The following CRIP2 variants were observed in gnomAD, a reference collection of about 807,000 sequenced individuals.
CRIP2 encodes cysteine rich protein 2.
In CRIP2, 31 loss-of-function variants were observed where a neutral mutation model predicts 31.3. That is an observed-to-expected ratio of 0.99 (90% CI 0.74 to 1.34). The LOEUF is 1.34. CRIP2 is among the 40% of genes most tolerant of loss of function. CRIP2 has a pLI of 0.00. For synonymous variants in CRIP2, 177 were observed against 127.2 expected, an observed-to-expected ratio of 1.39 and a Z score of -2.63; for missense variants, 389 against 301.6, an observed-to-expected ratio of 1.29 and a Z score of -2.15.
In CRIP2 at chr14:105,478,452, T is replaced by G; in HGVS notation, c.141T>G (p.His47Gln). 6.2e-7 allele frequency: 1 copy of G among 1,604,808 alleles called. No individual in the cohort carries two copies. The highest frequency in any genetic ancestry group is 8.5e-7 in the Non-Finnish European group (1 of 1,178,424). ...CTGACCCGCGCCCCTCTGCGCAGCATGACGGGAAGCCGTTCTGCCACAAGC... is the reference window on the plus strand; with the variant it reads ...CTGACCCGCGCCCCTCTGCGCAGCAGGACGGGAAGCCGTTCTGCCACAAGC... The part of the protein sequence containing the change: ...KTLTPGGHAE[H>Q]DGKPFCHKPC... Residue 47 changes from histidine to glutamine, a missense_variant and splice_region_variant, in exon 3 of 8, where the codon CAT becomes CAG. Transcript: ENST00000329146. This position sits in a 1 kb window ranked among gnomAD's most constrained non-coding sequence, Gnocchi z 4.9.
At position 105,478,583 on chromosome 14, in the gene CRIP2, G is replaced by T. The variant is rs143546746; in HGVS notation, c.196+76G>T. ...GGCGCTGGCGCTGGGGAGGGCTGGG[G>T]GTCCCGGCCGCCGTGGATCCCCGCC... On this transcript the variant is annotated intron_variant, in intron 3 of 7. Coordinates refer to ENST00000329146, the MANE Select transcript of CRIP2 (RefSeq NM_001312.4). This position sits in a 1 kb window ranked among gnomAD's most constrained non-coding sequence, Gnocchi z 4.9. 11,814 of 1,541,422 alleles carry T rather than the reference G, an allele frequency of 7.7e-3. 812 individuals carry two copies. The African/African-American group carries it at 0.14, about 19-fold the overall frequency.
rs1555436592 is a variant in CRIP2, at chr14:105,478,966, G to A, written c.338-13G>A. 1.9e-6 allele frequency: 3 copies of A among 1,554,776 alleles called. No homozygotes were observed. Among genetic ancestry groups the A allele is most frequent in the Non-Finnish European group, 2.6e-6 (3 of 1,155,614 alleles). On this transcript the variant is annotated splice_polypyrimidine_tract_variant and intron_variant, in intron 4 of 7. Coordinates refer to ENST00000329146, the MANE Select transcript of CRIP2 (RefSeq NM_001312.4). The surrounding 1 kb of genome is among the most constrained non-coding windows in gnomAD (Gnocchi z 4.9). ...CCCCGGCCCCGCCCCGCCCTGACTC[G>A]TGCGCCCCACAGCCTCCAGTGTCAC...
Position 105,479,944 on chromosome 14 carries a change from G to A in CRIP2, c.*291G>A, listed in dbSNP as rs1330233306. On this transcript the variant is annotated 3_prime_UTR_variant, in exon 8 of 8. Transcript: ENST00000329146. The stretch of plus-strand genomic sequence containing the variant: ...TCCCGCCGACCCTGCGTGTCCCCGT[G>A]GCGCTGTCCGCTCTCCCTCTCCTGC... The A allele has an allele frequency of 4.2e-6, 2 of 473,332 alleles. No individual in the cohort carries two copies. The highest frequency in any genetic ancestry group is 3.9e-5 in the African/African-American group (2 of 50,934). The allele number at this position is 473,332 out of a possible 1,614,324, so 29.3% of individuals were successfully genotyped here.
upstream of CRIP2, chr14:105,474,768 G>A: frequency 8.7e-7 from 1 of 1,149,960 alleles, no homozygotes; most frequent in East Asian, 4.7e-5. The surrounding 1 kb of genome is among the most constrained non-coding windows in gnomAD (Gnocchi z 5.1). Context: ...GGAGCCAATG[G>A]GCGCGCGGAC....
Position 105,478,851 on chromosome 14 carries a change from C to T in CRIP2, c.317C>T (p.Pro106Leu). The T allele has an allele frequency of 7.0e-7, 1 of 1,426,650 alleles. No individual in the cohort carries two copies. The highest frequency in any genetic ancestry group is 9.1e-7 in the Non-Finnish European group (1 of 1,101,000). 88.4% of individuals were successfully genotyped at this position (1,426,650 alleles called of 1,614,324 possible). A position where few individuals can be genotyped will look rare whatever the true frequency, so the allele number is the denominator to read the frequency against. The change falls in exon 4 of 8, where the codon CCC (proline) becomes CTC (leucine). Residue 106 changes from proline (P) to leucine (L), a missense_variant. Transcript: ENST00000329146. This position sits in a 1 kb window ranked among gnomAD's most constrained non-coding sequence, Gnocchi z 4.9. ...GCAGAGGAGCGGAAGGCGAGCGGCC[C>T]CCCGAAGGGGCCCAGCAGAGGTGGG... ...ARAEERKASGPPKGPSRASSV... is the reference protein window; with the variant it reads ...ARAEERKASGLPKGPSRASSV...
At chr14:105,475,135 G>A (rs2083904953) in intron 1 of CRIP2, among the ~76,000 whole-genome samples, 2 of 152,298 alleles carry the variant, frequency 1.3e-5, no homozygotes, top group South Asian at 2.1e-4. Context: ...GCTTGTGGGG[G>A]CGGGGCAGGG....
chr14:105,478,407 C>A lies in CRIP2; in HGVS notation c.139-43C>A, dbSNP rs587646193. 6.9e-6 allele frequency: 11 copies of A among 1,585,162 alleles called. No individual in the cohort carries two copies. In the African/African-American group the frequency reaches 1.5e-4, roughly 21 times the overall value. On this transcript the variant is annotated intron_variant, in intron 2 of 7. Transcript: ENST00000329146. This position sits in a 1 kb window ranked among gnomAD's most constrained non-coding sequence, Gnocchi z 4.9. ...GGGCGGGGGCGGGGGTCGCGACTCC[C>A]GCCACCCTCAGGCAGGGTCCTGACC...
intron 1 of CRIP2, chr14:105,475,331 AC>A (rs1211682584): frequency 6.1e-6 from 1 of 164,742 alleles, no homozygotes; most frequent in Non-Finnish European, 1.3e-5. Flanking sequence ...GACCCCCTAC[AC>A]CCGCTTCCCC....
upstream of CRIP2, among the ~76,000 whole-genome samples, chr14:105,473,760 G>T (rs1362626312): frequency 3.3e-5 from 5 of 152,186 alleles, no homozygotes; most frequent in African/African-American, 4.8e-5. Flanking sequence ...CTGTGGTGAG[G>T]CGTGGTCAGG....
chr14:105,478,403 C>G lies in CRIP2; in HGVS notation c.138+43C>G. 6.3e-7 allele frequency: 1 copy of G among 1,580,074 alleles called. No individual in the cohort carries two copies. Among genetic ancestry groups the G allele is most frequent in the South Asian group, 1.1e-5 (1 of 88,366 alleles). On this transcript the variant is annotated intron_variant, in intron 2 of 7. Coordinates refer to ENST00000329146, the MANE Select transcript of CRIP2 (RefSeq NM_001312.4). The surrounding 1 kb of genome is among the most constrained non-coding windows in gnomAD (Gnocchi z 4.9). ...GCGCGGGCGGGGGCGGGGGTCGCGA[C>G]TCCCGCCACCCTCAGGCAGGGTCCT...
intron 7 of CRIP2, 41 bp downstream of exon 7, chr14:105,479,534 T>G (rs369904386): frequency 1.5e-4 from 237 of 1,612,444 alleles, no homozygotes; most frequent in Admixed American, 6.3e-4. Context: ...TTCCCTGCCC[T>G]CCCCTTCCCT....
intron 1 of CRIP2, chr14:105,476,237 C>T (rs1449097404): frequency 5.1e-6 from 5 of 985,328 alleles, no homozygotes; most frequent in Non-Finnish European, 6.0e-6. Flanking sequence ...TCCAGGGTCT[C>T]GGCCAACAGT....
chr14:105,479,756 T>A lies in CRIP2; in HGVS notation c.*103T>A. 1 of 1,300,934 alleles carries A rather than the reference T, an allele frequency of 7.7e-7. No individual in the cohort carries two copies. The highest frequency in any genetic ancestry group is 1.1e-6 in the Non-Finnish European group (1 of 936,130). 80.6% of individuals were successfully genotyped at this position (1,300,934 alleles called of 1,614,324 possible). On this transcript the variant is annotated 3_prime_UTR_variant, in exon 8 of 8. Coordinates refer to ENST00000329146, the MANE Select transcript of CRIP2 (RefSeq NM_001312.4). ...GAGTGCTCAGCCGCCCAGTCCTGCC[T>A]GCAAGCCCAGGGCGAGTATTGGAGG... is the stretch of plus-strand genomic sequence containing the variant.
upstream of CRIP2, chr14:105,474,677 G>C: frequency 1.5e-6 from 1 of 685,366 alleles, no homozygotes; most frequent in Non-Finnish European, 1.8e-6. The surrounding 1 kb of genome is among the most constrained non-coding windows in gnomAD (Gnocchi z 5.1). Context: ...CGCCACCCCC[G>C]GCAGGTGCGC....
In CRIP2 at chr14:105,479,742, C is replaced by G; in HGVS notation, c.*89C>G. 7.2e-7 allele frequency: 1 copy of G among 1,396,280 alleles called. No homozygotes were observed. The highest frequency in any genetic ancestry group is 1.2e-5 in the South Asian group (1 of 81,088). 86.5% of individuals were successfully genotyped at this position (1,396,280 alleles called of 1,614,324 possible). A position where few individuals can be genotyped will look rare whatever the true frequency, so the allele number is the denominator to read the frequency against. ...TGGCTCTGCTGGGAGAGTGCTCAGCCGCCCAGTCCTGCCTGCAAGCCCAGG... is the reference window on the plus strand; with the variant it reads ...TGGCTCTGCTGGGAGAGTGCTCAGCGGCCCAGTCCTGCCTGCAAGCCCAGG... On this transcript the variant is annotated 3_prime_UTR_variant, in exon 8 of 8. Coordinates refer to ENST00000329146, the MANE Select transcript of CRIP2 (RefSeq NM_001312.4).
In CRIP2 at chr14:105,476,196, C is replaced by T. The variant is rs2083929538; in HGVS notation, c.43+1291C>T. The T allele has an allele frequency of 1.0e-5, 10 of 985,370 alleles. No homozygotes were observed. In the South Asian group the frequency reaches 3.8e-4, roughly 37 times the overall value. The allele number at this position is 985,370 out of a possible 1,614,324, so 61.0% of individuals were successfully genotyped here. On this transcript the variant is annotated intron_variant, in intron 1 of 7. Coordinates refer to ENST00000329146, the MANE Select transcript of CRIP2 (RefSeq NM_001312.4). ...TGCAGTCCAACTGCCCATGACTTTA[C>T]CCCAGGCCGGGCCAGGCCAGCCTGG...
intron 1 of CRIP2, among the ~76,000 whole-genome samples, chr14:105,477,881 TTGGAG>T: frequency 4.8e-5 from 1 of 20,714 alleles, no homozygotes; most frequent in Non-Finnish European, 1.9e-3. Flanking sequence ...CGGGCAGGTG[TTGGAG>T]CGCGGGCAGG....
At chr14:105,476,294 C>T in intron 1 of CRIP2, 1 of 985,546 alleles carries the variant, frequency 1.0e-6, no homozygotes, top group Non-Finnish European at 1.2e-6. Flanking sequence ...CGCCCAGCCT[C>T]TCAGCGGAAA....
upstream of CRIP2, chr14:105,473,487 C>A: frequency 6.5e-7 from 1 of 1,535,542 alleles, no homozygotes; most frequent in Non-Finnish European, 8.7e-7. Context: ...CACAAACATG[C>A]CTGGTGCACC....
Sources: allele counts gnomAD v4.1 joint callset (sites outside exome capture counted in the v4.1 genomes callset), GRCh38; gene constraint gnomAD v4.1.1; non-coding constraint Gnocchi (gnomAD v3.1); transcripts MANE v1.5; gene names NCBI Gene and HGNC (gene_info 2026-07-23, HGNC 2026-07-21).